Variants in MIR2052HG observed in about 807,000 individuals in gnomAD.
MIR2052HG encodes MIR2052 host gene.
rs139522494 is a variant in MIR2052HG, at chr8:74,699,416, G to GTATATA, written n.217-2948_217-2943dup. ...AGTATGTGTATGTGTGTGTGTGTGT[G>GTATATA]TATATATATATATATATATACACCA... is the stretch of plus-strand genomic sequence containing the variant. On this transcript the variant is annotated intron_variant and non_coding_transcript_variant, in intron 2 of 6. Transcript: ENST00000523442. 8.8e-3 allele frequency among the ~76,000 whole-genome samples: 1,308 copies of GTATATA among 148,148 alleles called. 21 individuals are homozygous for GTATATA. The highest frequency in any genetic ancestry group is 0.031 in the African/African-American group (1,246 of 40,282).
At chr8:74,692,604 C>T (rs1199676448) in intron 2 of MIR2052HG, among the ~76,000 whole-genome samples, 1 of 152,162 alleles carries the variant, frequency 6.6e-6, no homozygotes, top group Non-Finnish European at 1.5e-5. Flanking sequence ...TACATTTTCC[C>T]AGGCCATTTC....
chr8:74,718,744 G>A (rs1192722925), intron 4 of MIR2052HG, among the ~76,000 whole-genome samples: 2 of 152,128 alleles, frequency 1.3e-5, no homozygotes, highest in African/African-American at 4.8e-5. Flanking sequence ...TCTGGGTTGC[G>A]ACTGTCAACT....
rs563336024 is a variant in MIR2052HG at position 74,739,807 on chromosome 8, C to G, written n.372-12634C>G. 3.3e-5 allele frequency among the ~76,000 whole-genome samples: 5 copies of G among 152,172 alleles called. No individual in the cohort carries two copies. The South Asian group carries it at 1.0e-3, about 32-fold the overall frequency. On this transcript the variant is annotated intron_variant and non_coding_transcript_variant, in intron 4 of 6. Coordinates refer to ENST00000523442, the Ensembl canonical transcript of MIR2052HG. Reference sequence around the variant, plus strand: ...ATTTTTTTAAAAATCCAAAAAAACTCTGTGTGTGCATGTTTTGTTTGTACT... The same window carrying G: ...ATTTTTTTAAAAATCCAAAAAAACTGTGTGTGTGCATGTTTTGTTTGTACT...
At chr8:74,741,521 T>C (rs1406462166) in intron 4 of MIR2052HG, among the ~76,000 whole-genome samples, 8 of 152,192 alleles carry the variant, frequency 5.3e-5, no homozygotes, top group Admixed American at 5.2e-4. Flanking sequence ...ATCTCATGAA[T>C]CCACAAATTT....
At chr8:74,738,290 A>G (rs1390835649) in intron 4 of MIR2052HG, among the ~76,000 whole-genome samples, 1 of 152,106 alleles carries the variant, frequency 6.6e-6, no homozygotes, top group Non-Finnish European at 1.5e-5. Context: ...AATACTGTTC[A>G]TCAATCTCAG....
intron 4 of MIR2052HG, among the ~76,000 whole-genome samples, chr8:74,744,375 G>T (rs1809860954): frequency 6.6e-6 from 1 of 151,320 alleles, no homozygotes; most frequent in Non-Finnish European, 1.5e-5. Context: ...TGCACAATGT[G>T]CAGGTTAGTT....
intron 2 of MIR2052HG, among the ~76,000 whole-genome samples, chr8:74,683,232 A>T (rs1418430940): frequency 6.6e-6 from 1 of 152,136 alleles, no homozygotes; most frequent in Non-Finnish European, 1.5e-5. Context: ...AAAACTGAAA[A>T]ATTGTATTTG....
intron 1 of MIR2052HG, among the ~76,000 whole-genome samples, chr8:74,607,483 GT>G (rs1330345623): frequency 6.6e-6 from 1 of 152,010 alleles, no homozygotes; most frequent in African/African-American, 2.4e-5. Context: ...GTGGTGGTGG[GT>G]GCCTGTAATC....
rs371858188 is a variant in MIR2052HG, at chr8:74,711,932, G to A, written n.371+8250G>A. 1.4e-4 allele frequency among the ~76,000 whole-genome samples: 22 copies of A among 152,286 alleles called. No individual in the cohort carries two copies. The East Asian group carries it at 2.7e-3, about 19-fold the overall frequency. On this transcript the variant is annotated intron_variant and non_coding_transcript_variant, in intron 4 of 6. Coordinates refer to ENST00000523442, the Ensembl canonical transcript of MIR2052HG. ...GTGCTGAATGCACTGCAACATGGCT[G>A]CGGCTGGAAGAAGCAGATGGGAGGC...
chr8:74,663,777 A>C (rs1351828872), intron 2 of MIR2052HG, among the ~76,000 whole-genome samples: 1 of 152,218 alleles, frequency 6.6e-6, no homozygotes, highest in Non-Finnish European at 1.5e-5. Flanking sequence ...AGTAGCATTT[A>C]CCTCTGAGTG....
chr8:74,708,439 A>G (rs1472086904), intron 4 of MIR2052HG, among the ~76,000 whole-genome samples: 1 of 152,238 alleles, frequency 6.6e-6, no homozygotes, highest in East Asian at 1.9e-4. Flanking sequence ...GCTTTCAAGA[A>G]GATTGGAAGA....
chr8:74,624,546 CT>C (rs144947121), intron 2 of MIR2052HG, among the ~76,000 whole-genome samples: 1,929 of 152,300 alleles, frequency 0.013, 41 homozygotes, highest in African/African-American at 0.043. Flanking sequence ...TATCTCCTAC[CT>C]GACATTCTGT....
rs115860148 is a variant in MIR2052HG, at chr8:74,622,666, C to G, written n.216+9726C>G. Among the ~76,000 whole-genome samples the G allele has an allele frequency of 5.8e-3, 882 of 151,926 alleles. 8 individuals carry two copies. The highest frequency in any genetic ancestry group is 0.02 in the African/African-American group (812 of 41,448). On this transcript the variant is annotated intron_variant and non_coding_transcript_variant, in intron 2 of 6. Transcript: ENST00000523442. ...AAAAAGAAAAAAATGCTCAACATCACTAATCATCAGCCATAATGAGGTATC... is the reference window on the plus strand; with the variant it reads ...AAAAAGAAAAAAATGCTCAACATCAGTAATCATCAGCCATAATGAGGTATC...
intron 1 of MIR2052HG, among the ~76,000 whole-genome samples, chr8:74,601,049 A>T (rs1318590839): frequency 6.6e-6 from 1 of 152,226 alleles, no homozygotes; most frequent in Non-Finnish European, 1.5e-5. Context: ...TGATTATAGT[A>T]CAGGATTTAT....
At chr8:74,697,149 C>T (rs1340480895) in intron 2 of MIR2052HG, among the ~76,000 whole-genome samples, 1 of 152,044 alleles carries the variant, frequency 6.6e-6, no homozygotes, top group African/African-American at 2.4e-5. Context: ...GGGTTTCATA[C>T]CAGAGATGGA....
intron 4 of MIR2052HG, among the ~76,000 whole-genome samples, chr8:74,714,214 A>G (rs1181130624): frequency 1.3e-5 from 2 of 152,152 alleles, no homozygotes; most frequent in East Asian, 3.9e-4. Context: ...AGGATGAGAG[A>G]ATTGTTCCTT....
At chr8:74,643,628 G>T (rs1404833262) in intron 2 of MIR2052HG, among the ~76,000 whole-genome samples, 1 of 152,052 alleles carries the variant, frequency 6.6e-6, no homozygotes, top group Non-Finnish European at 1.5e-5. Flanking sequence ...TATAATCCCA[G>T]TAAATCTAAG....
intron 2 of MIR2052HG, among the ~76,000 whole-genome samples, chr8:74,687,790 T>G (rs181457943): frequency 1.1e-4 from 16 of 152,272 alleles, no homozygotes; most frequent in Non-Finnish European, 2.9e-5. Context: ...AATAATGCAT[T>G]GTACAGTTCA....
chr8:74,648,214 G>T (rs1389447113), intron 2 of MIR2052HG, among the ~76,000 whole-genome samples: 2 of 152,128 alleles, frequency 1.3e-5, no homozygotes, highest in East Asian at 3.9e-4. Flanking sequence ...CCTGGGTAAG[G>T]AATGCATTCC....
Sources: gnomAD v4.1 joint callset for allele counts (sites outside exome capture counted in the v4.1 genomes callset) on GRCh38, gnomAD v4.1.1 for gene constraint, MANE v1.5 for transcripts, NCBI Gene and HGNC (gene_info 2026-07-23, HGNC 2026-07-21) for gene names.